Variants in RPP38 observed in about 807,000 individuals in gnomAD.
RPP38 encodes ribonuclease P protein subunit p38.
Under a neutral mutation model 1.7 loss-of-function variants are expected in RPP38, and 2 were observed. That is an observed-to-expected ratio of 1.18 (90% CI 0.48 to 3.70). The LOEUF (loss-of-function observed/expected upper bound fraction) is 3.70. Among genes scored for constraint, RPP38 ranks in the 30% most tolerant of loss-of-function variants. RPP38 has a pLI of 0.07. For synonymous variants in RPP38, 151 were observed against 131.8 expected (o/e 1.15, Z -1.00); for missense variants, 358 against 340.1 (o/e 1.05, Z -0.41).
chr10:15,101,463 T>G (rs902056814), intron 1 of RPP38, among the ~76,000 whole-genome samples: 4 of 152,190 alleles, frequency 2.6e-5, no homozygotes, highest in African/African-American at 9.6e-5. Context: ...TCTGGACCAA[T>G]AGTTTATAAC....
intron 1 of RPP38, among the ~76,000 whole-genome samples, chr10:15,099,896 C>A (rs1845063947): frequency 6.6e-6 from 1 of 152,172 alleles, no homozygotes; most frequent in African/African-American, 2.4e-5. Context: ...AAGTTCAAGG[C>A]TGCAGTGAGC....
At chr10:15,101,042 G>A (rs939169334) in intron 1 of RPP38, among the ~76,000 whole-genome samples, 2 of 152,184 alleles carry the variant, frequency 1.3e-5, no homozygotes, top group Admixed American at 6.6e-5. Context: ...CAATTCAGTA[G>A]ATCTGGGTTG....
chr10:15,102,894 A>T (rs766724443), intron 2 of RPP38: 13 of 155,672 alleles, frequency 8.4e-5, no homozygotes, highest in Non-Finnish European at 1.8e-4. Context: ...GCTTATCCAG[A>T]ATCAGAGTAC....
chr10:15,097,371 G>C lies in RPP38; in HGVS notation c.-525G>C, dbSNP rs117151080. On this transcript the variant is annotated 5_prime_UTR_variant, in exon 1 of 3. Coordinates refer to ENST00000378197, the MANE Select transcript of RPP38 (RefSeq NM_183005.5). Reference sequence around the variant, plus strand: ...AGGCGCACTGGGCGCCGGTGCTGTTGCCTTCAGGTGACCACGGATTCGCCA... The same window carrying C: ...AGGCGCACTGGGCGCCGGTGCTGTTCCCTTCAGGTGACCACGGATTCGCCA... 1.3e-5 allele frequency: 2 copies of C among 152,298 alleles called. No homozygotes were observed. The highest frequency in any genetic ancestry group is 4.8e-5 in the African/African-American group (2 of 41,472). 9.4% of individuals were successfully genotyped at this position (152,298 alleles called of 1,614,324 possible). A position where few individuals can be genotyped will look rare whatever the true frequency, so the allele number is the denominator to read the frequency against.
chr10:15,098,376 C>T (rs1327155555), intron 1 of RPP38, among the ~76,000 whole-genome samples: 1 of 151,146 alleles, frequency 6.6e-6, no homozygotes, highest in African/African-American at 2.4e-5. Context: ...AGGCGCCTGC[C>T]ACCACGCCCG....
intron 1 of RPP38, among the ~76,000 whole-genome samples, chr10:15,101,510 T>C (rs970791913): frequency 6.6e-6 from 1 of 152,180 alleles, no homozygotes; most frequent in African/African-American, 2.4e-5. Flanking sequence ...TCATTTTTCC[T>C]CAATGGATTA....
chr10:15,101,750 C>A (rs149191930), intron 1 of RPP38, among the ~76,000 whole-genome samples: 1 of 151,996 alleles, frequency 6.6e-6, no homozygotes, highest in Non-Finnish European at 1.5e-5. Context: ...ATTAGCCAGG[C>A]GTGGTGTTGG....
intron 1 of RPP38, 113 bp from the exon 2 acceptor site, chr10:15,102,105 T>C (rs1845124855): frequency 6.6e-6 from 1 of 152,046 alleles, no homozygotes; most frequent in Admixed American, 6.6e-5. Flanking sequence ...ATTTGCAGAT[T>C]GGGAGCTCTA....
At position 15,103,571 on chromosome 10, in the gene RPP38, T is replaced by C. The variant is rs199667725; in HGVS notation, c.257T>C (p.Ile86Thr). ...GAGAAATGCAGCATTGCTGTTGATA[T>C]TAGTGAGAATCTGAAGGAGAAGAAA... ...SREKCSIAVDISENLKEKKTD... is the reference protein window; with the variant it reads ...SREKCSIAVDTSENLKEKKTD... Residue 86 changes from isoleucine (I) to threonine (T), a missense_variant, in exon 3 of 3, where the codon ATT (isoleucine) becomes ACT (threonine). Ile to Thr is a moderately conservative substitution (Grantham distance 89). Coordinates refer to ENST00000378197, the MANE Select transcript of RPP38 (RefSeq NM_183005.5). 7.4e-6 allele frequency: 12 copies of C among 1,613,978 alleles called. No homozygotes were observed. In the South Asian group the frequency reaches 8.8e-5, roughly 12 times the overall value.
rs1488417104 is a variant in RPP38, at chr10:15,103,867, A to G, written c.553A>G (p.Asn185Asp). 1 of 1,614,058 alleles carries G rather than the reference A, an allele frequency of 6.2e-7. No individual in the cohort carries two copies. Among genetic ancestry groups the G allele is most frequent in the African/African-American group, 1.3e-5 (1 of 74,926 alleles). Residue 185 changes from asparagine to aspartate, a missense_variant, in exon 3 of 3, where the codon AAC (asparagine) becomes GAC (aspartate). Asn to Asp is a conservative substitution (Grantham distance 23). Transcript: ENST00000378197. ...TGTTCTAGCCTTGGCGTTCAAAAAG[A>G]ACACCACTGACTTTGTGGACGAAGT... ...KCVLALAFKK[N>D]TTDFVDEVRA...
In RPP38 at chr10:15,097,603, G is replaced by T. The variant is rs1048069227; in HGVS notation, c.-293G>T. 4 of 152,306 alleles carry T rather than the reference G, an allele frequency of 2.6e-5. No individual in the cohort carries two copies. The highest frequency in any genetic ancestry group is 1.3e-4 in the Admixed American group (2 of 15,288). 9.4% of individuals were successfully genotyped at this position (152,306 alleles called of 1,614,324 possible). ...GTCCCGGGCCGGGCGCGTGCACCCA[G>T]AGCTTCCGCGTTTCTAGTCCGGCTC... On this transcript the variant is annotated 5_prime_UTR_variant, in exon 1 of 3. Coordinates refer to ENST00000378197, the MANE Select transcript of RPP38 (RefSeq NM_183005.5).
Position 15,098,905 on chromosome 10 carries a change from A to AAGTC in RPP38, c.-130+1142_-130+1143insCAGT, listed in dbSNP as rs1554818068. Among the ~76,000 whole-genome samples, 390 of 137,034 alleles carry AAGTC rather than the reference A, an allele frequency of 2.8e-3. 32 individuals are homozygous for AAGTC. Among genetic ancestry groups the AAGTC allele is most frequent in the African/African-American group, 0.01 (327 of 32,690 alleles). 89.9% of individuals were successfully genotyped at this position (137,034 alleles called of 152,430 possible). A position where few individuals can be genotyped will look rare whatever the true frequency, so the allele number is the denominator to read the frequency against. On this transcript the variant is annotated intron_variant, in intron 1 of 2. Coordinates refer to ENST00000378197, the MANE Select transcript of RPP38 (RefSeq NM_183005.5). The stretch of plus-strand genomic sequence containing the variant: ...GTCTCAAAAAAAAAAAAAAAAAAAA[A>AAGTC]AGTTCCTCTGTGAGGACTGCCTTTT...
chr10:15,101,323 A>G (rs535256156), intron 1 of RPP38, among the ~76,000 whole-genome samples: 1 of 152,284 alleles, frequency 6.6e-6, no homozygotes, highest in South Asian at 2.1e-4. Flanking sequence ...AATGCAAAGG[A>G]TATAACTTCC....
chr10:15,099,225 C>T (rs1447751959), intron 1 of RPP38, among the ~76,000 whole-genome samples: 1 of 152,056 alleles, frequency 6.6e-6, no homozygotes, highest in African/African-American at 2.4e-5. Context: ...AAATGCTGGC[C>T]TCATTAAATA....
chr10:15,099,059 C>A (rs904065447), intron 1 of RPP38, among the ~76,000 whole-genome samples: 1 of 117,528 alleles, frequency 8.5e-6, no homozygotes, highest in African/African-American at 6.4e-5. Flanking sequence ...ACTCTAAGCT[C>A]ATGAGGTCTG....
Position 15,103,417 on chromosome 10 carries a change from G to T in RPP38, c.103G>T (p.Ala35Ser), listed in dbSNP as rs191796910. 3.7e-6 allele frequency: 6 copies of T among 1,614,070 alleles called. No individual in the cohort carries two copies. In the Admixed American group the frequency reaches 6.7e-5, roughly 18 times the overall value. Residue 35 changes from alanine to serine, a missense_variant, in exon 3 of 3, where the codon GCT (alanine) becomes TCT (serine). Coordinates refer to ENST00000378197, the MANE Select transcript of RPP38 (RefSeq NM_183005.5). Reference sequence around the variant, plus strand: ...CAACCCATACATCATCCGCTGGAGCGCTCTGGAGAGCGAGGATATGCACTT... The same window carrying T: ...CAACCCATACATCATCCGCTGGAGCTCTCTGGAGAGCGAGGATATGCACTT... ...LNNPYIIRWS[A>S]LESEDMHFIL... is the part of the protein sequence containing the mutation.
chr10:15,102,557 G>A (rs900392389), intron 2 of RPP38: 1 of 152,046 alleles, frequency 6.6e-6, no homozygotes, highest in East Asian at 1.9e-4. Flanking sequence ...CAAGTTAGAA[G>A]ATTAATACCA....
At chr10:15,099,186 C>A (rs1447655534) in intron 1 of RPP38, among the ~76,000 whole-genome samples, 1 of 152,054 alleles carries the variant, frequency 6.6e-6, no homozygotes, top group African/African-American at 2.4e-5. Context: ...GGCAGAGGGA[C>A]TAATGTGTAT....
At chr10:15,100,388 G>C (rs1362438972) in intron 1 of RPP38, among the ~76,000 whole-genome samples, 1 of 152,070 alleles carries the variant, frequency 6.6e-6, no homozygotes, top group Non-Finnish European at 1.5e-5. Context: ...TTTTCTTCCT[G>C]ATTTCCTGAG....
Sources: allele counts gnomAD v4.1 joint callset (sites outside exome capture counted in the v4.1 genomes callset), GRCh38; gene constraint gnomAD v4.1.1; transcripts MANE v1.5; gene names NCBI Gene and HGNC (gene_info 2026-07-23, HGNC 2026-07-21).